The following RPH3AL variants were observed in gnomAD, a reference collection of about 807,000 sequenced individuals.
RPH3AL encodes rabphilin 3A like (without C2 domains).
A neutral mutation model predicts 43.1 loss-of-function variants in RPH3AL; 38 were observed. The ratio of observed to expected loss-of-function variants is 0.88; its 90% CI spans 0.68 to 1.15. The LOEUF is 1.15. Ranked by LOEUF, RPH3AL falls within the 50% of genes most tolerant of loss-of-function variation. The pLI, the probability that RPH3AL is intolerant of heterozygous loss-of-function variation, is 0.00. For missense variants in RPH3AL, 462 were observed against 423.2 expected, an observed-to-expected ratio of 1.09 and a Z score of -0.81; for synonymous variants, 189 against 176.3, an observed-to-expected ratio of 1.07 and a Z score of -0.57.
chr17:284,140 G>C (rs1256373054), intron 5 of RPH3AL, among the ~76,000 whole-genome samples: 2 of 152,270 alleles, frequency 1.3e-5, no homozygotes, highest in East Asian at 1.9e-4. Context: ...ATAGGCTGCT[G>C]AACGAGGCGA....
chr17:309,512 C>T (rs1027967048), intron 5 of RPH3AL, among the ~76,000 whole-genome samples: 48 of 21,496 alleles, frequency 2.2e-3, no homozygotes, highest in East Asian at 5.7e-3. Context: ...GCATGTCCCC[C>T]GCCCTGCCCA....
In RPH3AL at chr17:334,341, G is replaced by A. The variant is rs116783131; in HGVS notation, c.-212-407C>T. On this transcript the variant is annotated intron_variant, in intron 1 of 9. Coordinates refer to ENST00000331302, the MANE Select transcript of RPH3AL (RefSeq NM_006987.4). ...GTATCAGACTTTGAAAAACATATCCGGAGGCAAAACAACCTGCCTCAGAGA... is the reference window on the plus strand; with the variant it reads ...GTATCAGACTTTGAAAAACATATCCAGAGGCAAAACAACCTGCCTCAGAGA... Among the ~76,000 whole-genome samples, 1,032 of 152,346 alleles carry A rather than the reference G, an allele frequency of 6.8e-3. 7 individuals carry two copies. Among genetic ancestry groups the A allele is most frequent in the African/African-American group, 0.024 (987 of 41,566 alleles).
chr17:241,869 A>G (rs1238895378), intron 7 of RPH3AL, among the ~76,000 whole-genome samples: 2 of 152,010 alleles, frequency 1.3e-5, no homozygotes, highest in African/African-American at 4.8e-5. Flanking sequence ...TAATCCCCGC[A>G]CTTTGGGAGG....
chr17:326,780 G>A (rs2044631502), intron 3 of RPH3AL, among the ~76,000 whole-genome samples: 1 of 152,232 alleles, frequency 6.6e-6, no homozygotes, highest in African/African-American at 2.4e-5. Flanking sequence ...TACTCGGGAG[G>A]CAGGAGAATT....
intron 5 of RPH3AL, among the ~76,000 whole-genome samples, chr17:298,720 C>T (rs9903406): frequency 0.86 from 129,118 of 150,604 alleles, 55,322 homozygotes; most frequent in East Asian, 0.97. Context: ...AAAAAAAAAA[C>T]TCCCAGCCAG....
chr17:240,866 T>C (rs2041512565), intron 7 of RPH3AL, among the ~76,000 whole-genome samples: 1 of 151,900 alleles, frequency 6.6e-6, no homozygotes, highest in Non-Finnish European at 1.5e-5. Context: ...GAGACCAGCC[T>C]GGCCAACACG....
At position 284,085 on chromosome 17, in the gene RPH3AL, T is replaced by C. The variant is rs372934260; in HGVS notation, c.352-2231A>G. On this transcript the variant is annotated intron_variant, in intron 5 of 9. Coordinates refer to ENST00000331302, the MANE Select transcript of RPH3AL (RefSeq NM_006987.4). ...CTTCTGCACTCTACACACGCATCGG[T>C]TGAGGGCAGCTCACCTTATAAACAT... is the stretch of plus-strand genomic sequence containing the variant. 9.2e-5 allele frequency among the ~76,000 whole-genome samples: 14 copies of C among 152,294 alleles called. No homozygotes were observed. In the East Asian group the frequency reaches 1.7e-3, roughly 19 times the overall value.
At chr17:331,702 G>A (rs772804580) in intron 2 of RPH3AL, 48 of 1,287,530 alleles carry the variant, frequency 3.7e-5, no homozygotes, top group Middle Eastern at 2.1e-4. Context: ...CCCCATGCCC[G>A]GCACCCCCTT....
intron 5 of RPH3AL, among the ~76,000 whole-genome samples, chr17:309,573 G>GCCAGCC: frequency 1.5e-5 from 1 of 67,116 alleles, no homozygotes; most frequent in African/African-American, 4.0e-5. Context: ...CACGTCCCCT[G>GCCAGCC]CCCTGCCCCA....
chr17:318,593 G>GAA (rs143675420), intron 5 of RPH3AL, among the ~76,000 whole-genome samples: 7 of 148,558 alleles, frequency 4.7e-5, no homozygotes, highest in South Asian at 4.3e-4. Flanking sequence ...TTTATGCCAG[G>GAA]AAAAAAAAAA....
At chr17:348,265 AG>A (rs1360022301) in intron 1 of RPH3AL, among the ~76,000 whole-genome samples, 1 of 152,198 alleles carries the variant, frequency 6.6e-6, no homozygotes, top group Non-Finnish European at 1.5e-5. Context: ...CATGGATTGC[AG>A]GGGATTTTGA....
At chr17:253,615 G>C (rs1474564177) in intron 6 of RPH3AL, among the ~76,000 whole-genome samples, 1 of 152,058 alleles carries the variant, frequency 6.6e-6, no homozygotes, top group East Asian at 1.9e-4. Context: ...TAACCACTAA[G>C]CAATAGCTCT....
intron 5 of RPH3AL, among the ~76,000 whole-genome samples, chr17:296,523 G>A (rs760683490): frequency 3.3e-5 from 5 of 152,198 alleles, no homozygotes; most frequent in South Asian, 2.1e-4. Flanking sequence ...ACACAGCCAG[G>A]AGCAGCTCCT....
chr17:322,972 T>C lies in RPH3AL; in HGVS notation c.78-1557A>G, dbSNP rs924162291. ...CACCCTTGGTTTTCTGATCTGTCTC[T>C]TTAAGGGATGCCATGAGAATTAATG... On this transcript the variant is annotated intron_variant, in intron 3 of 9. Transcript: ENST00000331302. The surrounding 1 kb of genome is among the most constrained non-coding windows in gnomAD (Gnocchi z 4.0). 6.6e-6 allele frequency among the ~76,000 whole-genome samples: 1 copy of C among 152,138 alleles called. No individual in the cohort carries two copies. Among genetic ancestry groups the C allele is most frequent in the Non-Finnish European group, 1.5e-5 (1 of 68,012 alleles).
intron 5 of RPH3AL, among the ~76,000 whole-genome samples, chr17:298,324 A>G (rs1267944248): frequency 6.6e-6 from 1 of 152,014 alleles, no homozygotes; most frequent in African/African-American, 2.4e-5. Context: ...CAGGATTATC[A>G]TAACTCTTAA....
chr17:262,356 C>G (rs2151573249), intron 6 of RPH3AL, among the ~76,000 whole-genome samples: 1 of 152,242 alleles, frequency 6.6e-6, no homozygotes, highest in Non-Finnish European at 1.5e-5. Context: ...GCTGGGATTA[C>G]AGGCACCCGC....
intron 6 of RPH3AL, among the ~76,000 whole-genome samples, chr17:253,984 C>T (rs62056575): frequency 0.019 from 27 of 1,444 alleles, 1 homozygote; most frequent in South Asian, 0.12. Flanking sequence ...AGCTGCACGG[C>T]GTCTGTCCTT....
chr17:325,115 C>A (rs1331529497), intron 3 of RPH3AL, among the ~76,000 whole-genome samples: 1 of 152,326 alleles, frequency 6.6e-6, no homozygotes, highest in Middle Eastern at 3.4e-3. Flanking sequence ...CCCGCCTCAG[C>A]CTCCCAAAGT....
intron 6 of RPH3AL, among the ~76,000 whole-genome samples, chr17:256,196 G>T (rs1433250533): frequency 5.3e-5 from 4 of 74,864 alleles, no homozygotes; most frequent in African/African-American, 7.0e-5. Flanking sequence ...GCTGCACGGC[G>T]TCTGTCCTTT....
Sources: allele counts gnomAD v4.1 joint callset (sites outside exome capture counted in the v4.1 genomes callset), GRCh38; gene constraint gnomAD v4.1.1; non-coding constraint Gnocchi (gnomAD v3.1); transcripts MANE v1.5; gene names NCBI Gene and HGNC (gene_info 2026-07-23, HGNC 2026-07-21).